Variants in TLL1 observed in about 807,000 individuals in gnomAD.
TLL1 encodes the protein tolloid like 1, also known as tolloid-like protein 1.
TLL1 carries 49 observed loss-of-function variants against 128.2 expected under a neutral mutation model. The observed-to-expected ratio is 0.38, with a 90% CI of 0.30 to 0.48. The LOEUF (loss-of-function observed/expected upper bound fraction) is 0.48, where lower values mean the gene tolerates loss of function less well. TLL1 is among the 20% of genes least tolerant of loss of function. The pLI, the probability that TLL1 is intolerant of heterozygous loss-of-function variation, is 0.96. For missense variants in TLL1, 1,123 were observed against 1,242.0 expected, an observed-to-expected ratio of 0.90 and a Z score of 1.44; for synonymous variants, 454 against 418.8, an observed-to-expected ratio of 1.08 and a Z score of -1.03.
At chr4:165,976,199 A>C (rs1412379996) in intron 1 of TLL1, among the ~76,000 whole-genome samples, 1 of 152,200 alleles carries the variant, frequency 6.6e-6, no homozygotes. Context: ...GGTAAAAGTG[A>C]CTTCACAGGA....
At chr4:166,048,402 A>G (rs1739561705) in intron 12 of TLL1, among the ~76,000 whole-genome samples, 1 of 152,112 alleles carries the variant, frequency 6.6e-6, no homozygotes, top group African/African-American at 2.4e-5. Flanking sequence ...TGGTTTGTAA[A>G]CCACCCTATC....
intron 16 of TLL1, among the ~76,000 whole-genome samples, chr4:166,068,713 A>G (rs1257706447): frequency 2.6e-5 from 4 of 152,000 alleles, no homozygotes; most frequent in Non-Finnish European, 4.4e-5. Flanking sequence ...GAATTTCAAA[A>G]TAATATGATA....
intron 1 of TLL1, among the ~76,000 whole-genome samples, chr4:165,970,680 A>G (rs1042968300): frequency 6.6e-6 from 1 of 152,150 alleles, no homozygotes; most frequent in Non-Finnish European, 1.5e-5. Context: ...ATTATTATTT[A>G]GTAATAAATG....
At position 166,042,016 on chromosome 4, in the gene TLL1, A is replaced by G. The variant is rs767311894; in HGVS notation, c.1262-11A>G. On this transcript the variant is annotated splice_polypyrimidine_tract_variant and intron_variant, in intron 10 of 20. Coordinates refer to ENST00000061240, the MANE Select transcript of TLL1 (RefSeq NM_012464.5). The stretch of plus-strand genomic sequence containing the variant: ...TTTAGGAGTTTCTCTTTATTCTTTT[A>G]TTTCTTTTAGGTAGATTCTGTGGGG... The G allele has an allele frequency of 3.8e-6, 6 of 1,579,780 alleles. No individual in the cohort carries two copies. The highest frequency in any genetic ancestry group is 5.2e-6 in the Non-Finnish European group (6 of 1,150,078).
intron 16 of TLL1, among the ~76,000 whole-genome samples, chr4:166,069,234 A>G (rs890119156): frequency 6.6e-6 from 1 of 151,746 alleles, no homozygotes; most frequent in Non-Finnish European, 1.5e-5. Context: ...ATGTTAATAT[A>G]TTGTATACAT....
At chr4:166,096,489 T>C (rs1742030022) in intron 19 of TLL1, among the ~76,000 whole-genome samples, 1 of 152,014 alleles carries the variant, frequency 6.6e-6, no homozygotes, top group Non-Finnish European at 1.5e-5. Flanking sequence ...ATGAACTCAT[T>C]TTTCCTCTTC....
Position 165,984,819 on chromosome 4 carries a change from CT to C in TLL1, c.170-4561del, listed in dbSNP as rs532986885. On this transcript the variant is annotated intron_variant, in intron 1 of 20. Transcript: ENST00000061240. The stretch of plus-strand genomic sequence containing the variant: ...TATGTCACTAAAATCAAAAAGGCAC[CT>C]GTCTTTTAATTGCTTTAAAAATGTT... Among the ~76,000 whole-genome samples the C allele has an allele frequency of 1.8e-3, 266 of 151,956 alleles. 1 individual carries two copies. Among genetic ancestry groups the C allele is most frequent in the African/African-American group, 6.1e-3 (251 of 41,470 alleles).
chr4:165,990,591 G>T (rs1254552391), intron 2 of TLL1, among the ~76,000 whole-genome samples: 2 of 151,934 alleles, frequency 1.3e-5, no homozygotes, highest in Non-Finnish European at 2.9e-5. Context: ...CTGAATGTGT[G>T]TGTGTGTTGT....
intron 1 of TLL1, among the ~76,000 whole-genome samples, chr4:165,934,101 T>A (rs10015432): frequency 6.6e-6 from 1 of 151,114 alleles, no homozygotes; most frequent in African/African-American, 2.4e-5. Context: ...CAGGTTCAAG[T>A]GATTCTCCTG....
chr4:165,917,142 G>T (rs544686533), intron 1 of TLL1, among the ~76,000 whole-genome samples: 48 of 152,032 alleles, frequency 3.2e-4, no homozygotes, highest in African/African-American at 1.0e-3. Context: ...TGAAAGTTCA[G>T]AAATGAAGGT....
chr4:165,923,786 AT>A (rs931593788), intron 1 of TLL1, among the ~76,000 whole-genome samples: 4 of 151,894 alleles, frequency 2.6e-5, no homozygotes, highest in Non-Finnish European at 5.9e-5. Flanking sequence ...CAGATACTGC[AT>A]TTTTTTAACA....
At chr4:166,100,271 A>G (rs1382303991) in intron 20 of TLL1, among the ~76,000 whole-genome samples, 2 of 152,154 alleles carry the variant, frequency 1.3e-5, no homozygotes, top group Non-Finnish European at 2.9e-5. Context: ...CAACTGAAAT[A>G]TAATGAAAAA....
chr4:166,041,237 G>A (rs78043287), intron 10 of TLL1, among the ~76,000 whole-genome samples: 11,160 of 151,990 alleles, frequency 0.073, 679 homozygotes, highest in African/African-American at 0.16. Context: ...CCTCAGGAGT[G>A]CTGTTGAACC....
chr4:165,897,139 C>T (rs1467452778), intron 1 of TLL1, among the ~76,000 whole-genome samples: 4 of 151,774 alleles, frequency 2.6e-5, no homozygotes, highest in Non-Finnish European at 5.9e-5. Flanking sequence ...GAATATTAGC[C>T]CTTGTCAGAT....
At chr4:165,983,284 A>G (rs1278721700) in intron 1 of TLL1, among the ~76,000 whole-genome samples, 5 of 151,910 alleles carry the variant, frequency 3.3e-5, no homozygotes, top group South Asian at 2.1e-4. Context: ...TGATATTTCA[A>G]TGGATCTTTT....
rs772706219 is a variant in TLL1, at chr4:166,074,925, G to A, written c.2236G>A (p.Val746Ile). ...KDNGGCQHEC[V>I]NTMGSYMCQC... ...TAATGGTGGATGTCAGCACGAATGT[G>A]TCAACACGATGGGGAGCTACATGTG... Residue 746 changes from valine (V) to isoleucine (I), a missense_variant, in exon 17 of 21, where the codon GTC (valine) becomes ATC (isoleucine). By Grantham distance (29) the Val-to-Ile change is conservative. Transcript: ENST00000061240. 6.2e-7 allele frequency: 1 copy of A among 1,613,516 alleles called. No homozygotes were observed. The highest frequency in any genetic ancestry group is 1.3e-5 in the African/African-American group (1 of 74,892).
At chr4:165,926,382 C>T (rs766003317) in intron 1 of TLL1, among the ~76,000 whole-genome samples, 4 of 152,144 alleles carry the variant, frequency 2.6e-5, no homozygotes, top group Non-Finnish European at 4.4e-5. Flanking sequence ...TTTAAACACG[C>T]GAGTGACTTA....
intron 1 of TLL1, among the ~76,000 whole-genome samples, chr4:165,959,737 A>C (rs1484006118): frequency 6.6e-6 from 1 of 152,160 alleles, no homozygotes; most frequent in African/African-American, 2.4e-5. Flanking sequence ...TTGCTCCTGA[A>C]TGACTTGGAT....
chr4:166,086,127 T>C (rs945128767), intron 18 of TLL1, among the ~76,000 whole-genome samples: 2 of 152,158 alleles, frequency 1.3e-5, no homozygotes, highest in Admixed American at 6.6e-5. Flanking sequence ...CTTTGTGAGA[T>C]AGGAGCATTT....
Sources: gnomAD v4.1 joint callset for allele counts (sites outside exome capture counted in the v4.1 genomes callset) on GRCh38, gnomAD v4.1.1 for gene constraint, MANE v1.5 for transcripts, NCBI Gene and HGNC (gene_info 2026-07-23, HGNC 2026-07-21) for gene names.